DKKL1: variants seen among roughly 807,000 people sequenced by gnomAD.
DKKL1 encodes dickkopf like acrosomal protein 1.
DKKL1 carries 11 observed loss-of-function variants against 16.5 expected under a neutral mutation model. The observed-to-expected ratio is 0.67, with a 90% confidence interval of 0.42 to 1.10. The LOEUF (loss-of-function observed/expected upper bound fraction) is 1.10, where lower values mean the gene tolerates loss of function less well. Ranked by LOEUF, DKKL1 falls within the 50% of genes least tolerant of loss-of-function variation. The pLI is 0.00. For missense variants in DKKL1, 320 were observed against 308.1 expected (o/e 1.04, Z -0.29); for synonymous variants, 119 against 133.2 (o/e 0.89, Z 0.73).
upstream of DKKL1, chr19:49,361,569 C>G (rs973035269): frequency 6.6e-6 from 1 of 152,280 alleles, no homozygotes; most frequent in African/African-American, 2.4e-5. Flanking sequence ...AGGGGCTTGC[C>G]GGCCAGGGCG....
chr19:49,374,141 T>C (rs757870330), intron 4 of DKKL1, among the ~76,000 whole-genome samples: 1 of 151,932 alleles, frequency 6.6e-6, no homozygotes, highest in Non-Finnish European at 1.5e-5. Flanking sequence ...CCCGCAACCA[T>C]GCCCGGCTAA....
chr19:49,366,273 A>G (rs1973247801), intron 4 of DKKL1, among the ~76,000 whole-genome samples: 1 of 152,114 alleles, frequency 6.6e-6, no homozygotes, highest in Non-Finnish European at 1.5e-5. Flanking sequence ...AAGAAGAGGA[A>G]CTGACCCTCT....
chr19:49,369,938 T>G (rs1483530787), intron 4 of DKKL1: 1 of 152,212 alleles, frequency 6.6e-6, no homozygotes, highest in African/African-American at 2.4e-5. Context: ...AGCGCAGTTT[T>G]AGAGAGAGAA....
rs1568591946 is a variant in DKKL1 at position 49,365,521 on chromosome 19, CG to C, written c.200del (p.Gly67AlafsTer2). On this transcript the variant is annotated frameshift_variant, in exon 3 of 5. Transcript: ENST00000221498. LOFTEE classifies it high-confidence loss of function. The part of the protein sequence containing the change: ...SRLFLKGNLL[R>X]GIDSLFSAPM... ...CCTCCGGCCCCAGGGTAACCTGCTTCGGGGCATAGACAGCTTATTCTCTGCC... is the reference window on the plus strand; with the variant it reads ...CCTCCGGCCCCAGGGTAACCTGCTTCGGGCATAGACAGCTTATTCTCTGCC... 2.5e-6 allele frequency: 4 copies of C among 1,606,418 alleles called. No individual in the cohort carries two copies. In the African/African-American group the frequency reaches 5.3e-5, roughly 21 times the overall value.
intron 4 of DKKL1, among the ~76,000 whole-genome samples, chr19:49,367,464 T>G (rs1659101059): frequency 6.7e-6 from 1 of 149,066 alleles, no homozygotes; most frequent in Non-Finnish European, 1.5e-5. Flanking sequence ...TGGAGTGCAA[T>G]GGTGCGATCT....
At chr19:49,365,335 A>G (rs1568591771) in intron 2 of DKKL1, among the ~76,000 whole-genome samples, 174 bp from the exon 3 acceptor site, 1 of 151,834 alleles carries the variant, frequency 6.6e-6, no homozygotes, top group Non-Finnish European at 1.5e-5. Context: ...ATAGAGAGAG[A>G]ATTCATGGGG....
rs575382780 is a variant in DKKL1, at chr19:49,374,133, C to T, written c.418-584C>T. On this transcript the variant is annotated intron_variant, in intron 4 of 4. Coordinates refer to ENST00000221498, the MANE Select transcript of DKKL1 (RefSeq NM_014419.4). ...CCGAGTAGCTGGGACTACAGGCGCCCGCAACCATGCCCGGCTAAATTTTTT... is the reference window on the plus strand; with the variant it reads ...CCGAGTAGCTGGGACTACAGGCGCCTGCAACCATGCCCGGCTAAATTTTTT... Among the ~76,000 whole-genome samples the T allele has an allele frequency of 5.3e-5, 8 of 152,108 alleles. No homozygotes were observed. The East Asian group carries it at 9.7e-4, about 18-fold the overall frequency.
upstream of DKKL1, chr19:49,361,441 G>C (rs1200639797): frequency 6.5e-6 from 1 of 152,994 alleles, no homozygotes; most frequent in African/African-American, 2.4e-5. Flanking sequence ...CTGAGGCCGA[G>C]ACCAGGAGAG....
At position 49,368,504 on chromosome 19, in the gene DKKL1, T is replaced by C. The variant is rs143805299; in HGVS notation, c.417+2619T>C. On this transcript the variant is annotated intron_variant, in intron 4 of 4. Coordinates refer to ENST00000221498, the MANE Select transcript of DKKL1 (RefSeq NM_014419.4). ...CTGTCTCAAAAAATAAATAAATAAA[T>C]AAATAAATAAAATTTCAAGACTACA... 3.5e-3 allele frequency among the ~76,000 whole-genome samples: 526 copies of C among 151,612 alleles called. 3 individuals carry two copies. The highest frequency in any genetic ancestry group is 5.5e-3 in the Non-Finnish European group (377 of 67,932).
rs1487863573 is a variant in DKKL1 at position 49,370,763 on chromosome 19, C to CA, written c.418-3954_418-3953insA. On this transcript the variant is annotated intron_variant, in intron 4 of 4. Coordinates refer to ENST00000221498, the MANE Select transcript of DKKL1 (RefSeq NM_014419.4). Reference sequence around the variant, plus strand: ...GAGGCCCCATGTAATGTGAAGGCACCCTAGGGAGTCCAGGTAAATGATTTC... The same window carrying CA: ...GAGGCCCCATGTAATGTGAAGGCACCACTAGGGAGTCCAGGTAAATGATTTC... The CA allele has an allele frequency of 1.2e-4, 18 of 152,072 alleles. No homozygotes were observed. In the East Asian group the frequency reaches 3.1e-3, roughly 26 times the overall value. 9.4% of individuals were successfully genotyped at this position (152,072 alleles called of 1,614,324 possible).
chr19:49,365,352 G>A (rs750053599), intron 2 of DKKL1, among the ~76,000 whole-genome samples, 157 bp from the exon 3 acceptor site: 10 of 152,070 alleles, frequency 6.6e-5, no homozygotes, highest in Non-Finnish European at 1.2e-4. Context: ...GGGGGATGGA[G>A]GCCGGAGGTT....
At chr19:49,362,724 TG>T (rs1175192530), upstream of DKKL1, among the ~76,000 whole-genome samples, 1 of 150,424 alleles carries the variant, frequency 6.6e-6, no homozygotes, top group African/African-American at 2.5e-5. Flanking sequence ...CTGGGACTCC[TG>T]GGTCTGGGAG....
At chr19:49,364,473 G>T in intron 1 of DKKL1, 109 bp from the exon 2 acceptor site, 1 of 849,120 alleles carries the variant, frequency 1.2e-6, no homozygotes, top group Non-Finnish European at 1.8e-6. Flanking sequence ...TGAGCGCGGT[G>T]TGGGAGTTGC....
In DKKL1 at chr19:49,363,944, G is replaced by A. The variant is rs929810041; in HGVS notation, c.-55G>A. On this transcript the variant is annotated 5_prime_UTR_variant, in exon 1 of 5. Transcript: ENST00000221498. The stretch of plus-strand genomic sequence containing the variant: ...GTGGGCGGCCGGAATCCGGGAGTCC[G>A]GTGACCCGGGCTGTGGTCTAGCATA... 1.9e-6 allele frequency: 3 copies of A among 1,607,430 alleles called. No individual in the cohort carries two copies. Among genetic ancestry groups the A allele is most frequent in the Non-Finnish European group, 2.5e-6 (3 of 1,176,752 alleles).
Position 49,374,819 on chromosome 19 carries a change from C to T in DKKL1, c.520C>T (p.Leu174=). ...HPRVAFWIIK[L]PRRRSHQDAL... is the part of the protein sequence containing the mutation. ...CCGGGTGGCCTTCTGGATCATTAAGCTGCCACGGCGGAGGTCCCACCAGGA... is the reference window on the plus strand; with the variant it reads ...CCGGGTGGCCTTCTGGATCATTAAGTTGCCACGGCGGAGGTCCCACCAGGA... Residue 174 remains leucine, a synonymous_variant, in exon 5 of 5, where the codon CTG becomes TTG. Coordinates refer to ENST00000221498, the MANE Select transcript of DKKL1 (RefSeq NM_014419.4). 1.2e-6 allele frequency: 2 copies of T among 1,613,544 alleles called. No homozygotes were observed. The highest frequency in any genetic ancestry group is 1.7e-6 in the Non-Finnish European group (2 of 1,179,740).
chr19:49,363,899 C>G lies in DKKL1; in HGVS notation c.-100C>G. ...ACCAGACCTGGGCTCGAGACCATAA[C>G]TGTTTGGCTTTAACAGTACGTGGGC... is the stretch of plus-strand genomic sequence containing the variant. On this transcript the variant is annotated 5_prime_UTR_variant, in exon 1 of 5. Coordinates refer to ENST00000221498, the MANE Select transcript of DKKL1 (RefSeq NM_014419.4). 1 of 1,523,190 alleles carries G rather than the reference C, an allele frequency of 6.6e-7. No homozygotes were observed. The highest frequency in any genetic ancestry group is 2.4e-5 in the East Asian group (1 of 41,714). The allele number at this position is 1,523,190 out of a possible 1,614,324, so 94.4% of individuals were successfully genotyped here.
At chr19:49,366,859 C>A (rs1973270879) in intron 4 of DKKL1, among the ~76,000 whole-genome samples, 1 of 151,674 alleles carries the variant, frequency 6.6e-6, no homozygotes, top group Non-Finnish European at 1.5e-5. Flanking sequence ...AGGCGCGGAC[C>A]ACCACACCCA....
At chr19:49,371,615 G>A (rs904970524) in intron 4 of DKKL1, among the ~76,000 whole-genome samples, 3 of 147,064 alleles carry the variant, frequency 2.0e-5, no homozygotes, top group African/African-American at 8.2e-5. Context: ...TTAAGACATA[G>A]TATTTTTATG....
chr19:49,371,733 G>T (rs1225352978), intron 4 of DKKL1, among the ~76,000 whole-genome samples: 1 of 152,090 alleles, frequency 6.6e-6, no homozygotes, highest in Admixed American at 6.6e-5. Flanking sequence ...CCCGTCACCT[G>T]CATTGGGTGT....
Sources: gnomAD v4.1 joint callset for allele counts (sites outside exome capture counted in the v4.1 genomes callset) on GRCh38, gnomAD v4.1.1 for gene constraint, MANE v1.5 for transcripts, NCBI Gene and HGNC (gene_info 2026-07-23, HGNC 2026-07-21) for gene names.